The following CUL9 variants were observed in gnomAD, a reference collection of about 807,000 sequenced individuals.
The protein encoded by CUL9 is cullin 9, also known as cullin-9.
In CUL9, 79 loss-of-function variants were observed where a neutral mutation model predicts 272.6. That is an observed-to-expected ratio of 0.29 (90% CI 0.24 to 0.35). CUL9 has a LOEUF of 0.35. CUL9 is among the 10% of genes least tolerant of loss of function. CUL9 has a pLI of 1.00. For synonymous variants in CUL9, 1,186 were observed against 1,286.5 expected (o/e 0.92, Z 1.67); for missense variants, 2,532 against 3,255.6 (o/e 0.78, Z 5.41).
chr6:43,196,036 C>T (rs771593775), intron 9 of CUL9, 33 bp from the exon 10 acceptor site: 1 of 1,584,344 alleles, frequency 6.3e-7, no homozygotes, highest in Non-Finnish European at 8.6e-7. Flanking sequence ...GACTCTGCCC[C>T]CTCCTCACTC....
intron 11 of CUL9, among the ~76,000 whole-genome samples, chr6:43,197,102 A>G (rs1774065991): frequency 6.6e-6 from 1 of 151,920 alleles, no homozygotes; most frequent in African/African-American, 2.4e-5. Context: ...GCTAGAGTGC[A>G]GTGGCACGAT....
chr6:43,215,056 C>G (rs1414924981), intron 29 of CUL9, 23 bp from the exon 30 acceptor site: 2 of 1,572,040 alleles, frequency 1.3e-6, no homozygotes, highest in East Asian at 2.3e-5. Context: ...AAGTGGACTT[C>G]TTGTTTCTTT....
At chr6:43,214,001 ACTT>A (rs1252731673) in intron 29 of CUL9, 89 bp downstream of exon 29, 1 of 1,310,380 alleles carries the variant, frequency 7.6e-7, no homozygotes, top group Non-Finnish European at 1.1e-6. Flanking sequence ...TCAATATAAG[ACTT>A]CTGTAGGGTG....
chr6:43,206,117 A>G lies in CUL9; in HGVS notation c.4904A>G (p.Gln1635Arg), dbSNP rs1775026534. 6 of 1,614,094 alleles carry G rather than the reference A, an allele frequency of 3.7e-6. No individual in the cohort carries two copies. In the South Asian group the frequency reaches 5.5e-5, roughly 15 times the overall value. Residue 1635 changes from glutamine (Q) to arginine (R), a missense_variant, in exon 25 of 41, where the codon CAG (glutamine) becomes CGG (arginine). Physicochemically the swap from Gln to Arg is conservative, Grantham distance 43. Around this residue, in one of 3 missense-constraint regions of CUL9, gnomAD observed 2,218 missense variants for 2,788.6 expected, o/e 0.80. Transcript: ENST00000252050. This position sits in a 1 kb window ranked among gnomAD's most constrained non-coding sequence, Gnocchi z 4.8. ...FPNRLPQLML[Q>R]SLSTSEELQR... ...AACCGCCTCCCACAGCTGATGCTGC[A>G]GAGCCTGAGCACCTCTGAGGAGCTG...
intron 26 of CUL9, among the ~76,000 whole-genome samples, chr6:43,207,459 T>C (rs1732764717): frequency 6.6e-6 from 1 of 152,208 alleles, no homozygotes; most frequent in Non-Finnish European, 1.5e-5. Flanking sequence ...TTGTCAAGGG[T>C]ATCATTAGTT....
intron 8 of CUL9, among the ~76,000 whole-genome samples, chr6:43,191,481 A>ATTTTTTTT (rs34090146): frequency 0.027 from 2,633 of 97,150 alleles, 193 homozygotes; most frequent in African/African-American, 0.13. Flanking sequence ...CACCCAGCTA[A>ATTTTTTTT]TTTTTTTTTT....
At chr6:43,192,955 C>A in intron 8 of CUL9, 46 bp from the exon 9 acceptor site, 2 of 1,578,774 alleles carry the variant, frequency 1.3e-6, no homozygotes, top group Non-Finnish European at 1.7e-6. Flanking sequence ...GGAGGTCAGG[C>A]AAGACTCCTT....
At position 43,184,949 on chromosome 6, in the gene CUL9, G is replaced by A. The variant is rs1772774281; in HGVS notation, c.595+44G>A. On this transcript the variant is annotated intron_variant, in intron 2 of 40. Transcript: ENST00000252050. The surrounding 1 kb of genome is among the most constrained non-coding windows in gnomAD (Gnocchi z 4.8). ...AGAAGGAAAGGAATGGAGAAAATGG[G>A]GCCACAGGGAATAAGAAAGAGGAGA... The A allele has an allele frequency of 4.0e-5, 57 of 1,425,480 alleles. No homozygotes were observed. Among genetic ancestry groups the A allele is most frequent in the Non-Finnish European group, 5.3e-5 (56 of 1,046,982 alleles). 88.3% of individuals were successfully genotyped at this position (1,425,480 alleles called of 1,614,324 possible). A position where few individuals can be genotyped will look rare whatever the true frequency, so the allele number is the denominator to read the frequency against.
Position 43,198,209 on chromosome 6 carries a change from C to T in CUL9, c.2804-400C>T. 3.1e-6 allele frequency: 3 copies of T among 976,640 alleles called. No individual in the cohort carries two copies. In the South Asian group the frequency reaches 1.4e-4, roughly 46 times the overall value. 60.5% of individuals were successfully genotyped at this position (976,640 alleles called of 1,614,324 possible). On this transcript the variant is annotated intron_variant, in intron 11 of 40. Transcript: ENST00000252050. ...TGAGCCAAGATCATGCCACTGCACTCCAGCCTGGGTGACAGCGCTCTGTGT... is the reference window on the plus strand; with the variant it reads ...TGAGCCAAGATCATGCCACTGCACTTCAGCCTGGGTGACAGCGCTCTGTGT...
rs541437310 is a variant in CUL9, at chr6:43,199,885, A to C, written c.3157-44A>C. 3.4e-6 allele frequency: 5 copies of C among 1,485,228 alleles called. No homozygotes were observed. In the African/African-American group the frequency reaches 6.9e-5, roughly 20 times the overall value. 92.0% of individuals were successfully genotyped at this position (1,485,228 alleles called of 1,614,324 possible). A position where few individuals can be genotyped will look rare whatever the true frequency, so the allele number is the denominator to read the frequency against. On this transcript the variant is annotated intron_variant, in intron 13 of 40. Transcript: ENST00000252050. This position sits in a 1 kb window ranked among gnomAD's most constrained non-coding sequence, Gnocchi z 4.4. ...CCTCTCCTCAATCCTTACATGTCCT[A>C]CCTCTTGTTTCCTGTAAATTAATCT...
In CUL9 at chr6:43,220,583, C is replaced by T; in HGVS notation, c.6407C>T (p.Pro2136Leu). ...GAFIRAIVSS[P>L]EVISKYEKAL... ...TTCATTCGTGCCATCGTCTCCTCGC[C>T]AGAGGTCATCTCCAAGGTATCCCCT... Residue 2136 changes from proline (P) to leucine (L), a missense_variant, in exon 32 of 41, where the codon CCA (proline) becomes CTA (leucine). Physicochemically the swap from Pro to Leu is moderately conservative, Grantham distance 98. Transcript: ENST00000252050. This position sits in a 1 kb window ranked among gnomAD's most constrained non-coding sequence, Gnocchi z 4.9. 6.2e-7 allele frequency: 1 copy of T among 1,614,130 alleles called. No homozygotes were observed. Among genetic ancestry groups the T allele is most frequent in the East Asian group, 2.2e-5 (1 of 44,878 alleles).
chr6:43,221,516 G>A lies in CUL9; in HGVS notation c.6753-169G>A. The A allele has an allele frequency of 2.3e-6, 2 of 874,764 alleles. No individual in the cohort carries two copies. The highest frequency in any genetic ancestry group is 2.6e-5 in the Admixed American group (1 of 38,222). 54.2% of individuals were successfully genotyped at this position (874,764 alleles called of 1,614,324 possible). On this transcript the variant is annotated intron_variant, in intron 34 of 40. Transcript: ENST00000252050. This position sits in a 1 kb window ranked among gnomAD's most constrained non-coding sequence, Gnocchi z 4.2. ...CCCACTCGTAAGTCCACACTGACTG[G>A]GGGAGTTCAAAAGCAGAGGTGCATT...
At chr6:43,185,821 C>G (rs1163471311) in intron 3 of CUL9, 134 bp from the exon 4 acceptor site, 1 of 1,296,968 alleles carries the variant, frequency 7.7e-7, no homozygotes, top group Non-Finnish European at 1.0e-6. Context: ...GCCTTTCTTA[C>G]ACAAATCAAA....
In CUL9 at chr6:43,184,879, T is replaced by G; in HGVS notation, c.569T>G (p.Leu190Arg). 1 of 1,597,862 alleles carries G rather than the reference T, an allele frequency of 6.3e-7. No individual in the cohort carries two copies. The highest frequency in any genetic ancestry group is 8.5e-7 in the Non-Finnish European group (1 of 1,175,370). ...ATCCGCCGGAGTGCAGGCAAAATGC[T>G]GCAGGCTCTGGCAGCCCACGATGCT... is the stretch of plus-strand genomic sequence containing the variant. ...PQIRRSAGKM[L>R]QALAAHDAGS... The change falls in exon 2 of 41, where the codon CTG becomes CGG. Residue 190 changes from leucine (L) to arginine (R), a missense_variant. This residue lies in a region of CUL9 where 2,218 missense variants were observed against 2,788.6 expected (regional missense o/e 0.80). Coordinates refer to ENST00000252050, the MANE Select transcript of CUL9 (RefSeq NM_015089.4). This position sits in a 1 kb window ranked among gnomAD's most constrained non-coding sequence, Gnocchi z 4.8.
In CUL9 at chr6:43,205,309, G is replaced by T; in HGVS notation, c.4679G>T (p.Gly1560Val). 1 of 1,614,198 alleles carries T rather than the reference G, an allele frequency of 6.2e-7. No individual in the cohort carries two copies. The highest frequency in any genetic ancestry group is 8.5e-7 in the Non-Finnish European group (1 of 1,180,042). The change falls in exon 24 of 41, where the codon GGC (glycine) becomes GTC (valine). Residue 1560 changes from glycine (G) to valine (V), a missense_variant. By Grantham distance (109) the Gly-to-Val change is moderately radical (BLOSUM62 -3). Around this residue, in one of 3 missense-constraint regions of CUL9, gnomAD observed 2,218 missense variants for 2,788.6 expected, o/e 0.80. Coordinates refer to ENST00000252050, the MANE Select transcript of CUL9 (RefSeq NM_015089.4). ...ARYIDQQIQGGLIGGAPGVEM... is the reference protein window; with the variant it reads ...ARYIDQQIQGVLIGGAPGVEM... The stretch of plus-strand genomic sequence containing the variant: ...TACATTGACCAACAGATCCAGGGTG[G>T]CCTGATTGGTGGAGCCCCTGGAGTG...
At chr6:43,189,468 G>A (rs1773240103) in intron 8 of CUL9, among the ~76,000 whole-genome samples, 1 of 152,148 alleles carries the variant, frequency 6.6e-6, no homozygotes, top group Non-Finnish European at 1.5e-5. Context: ...GCAGGCGTGA[G>A]CCACCGCGTC....
In CUL9 at chr6:43,206,129, C is replaced by T. The variant is rs772062849; in HGVS notation, c.4916C>T (p.Thr1639Ile). 1.5e-5 allele frequency: 24 copies of T among 1,614,030 alleles called. No individual in the cohort carries two copies. Among genetic ancestry groups the T allele is most frequent in the Admixed American group, 1.0e-4 (6 of 60,008 alleles). Residue 1639 changes from threonine to isoleucine, a missense_variant, in exon 25 of 41, where the codon ACC becomes ATC. Thr to Ile is a moderately conservative substitution (Grantham distance 89). Coordinates refer to ENST00000252050, the MANE Select transcript of CUL9 (RefSeq NM_015089.4). The surrounding 1 kb of genome is among the most constrained non-coding windows in gnomAD (Gnocchi z 4.8). The part of the protein sequence containing the change: ...LPQLMLQSLS[T>I]SEELQRQFHL... ...CAGCTGATGCTGCAGAGCCTGAGCA[C>T]CTCTGAGGAGCTGCAGCGCCAGTTC...
At chr6:43,222,942 C>A in intron 38 of CUL9, 46 bp downstream of exon 38, 1 of 1,523,704 alleles carries the variant, frequency 6.6e-7, no homozygotes, top group South Asian at 1.1e-5. Flanking sequence ...CTCCTCCCCT[C>A]TGTTGCACAG....
chr6:43,192,903 G>T, intron 8 of CUL9, 98 bp from the exon 9 acceptor site: 1 of 1,021,790 alleles, frequency 9.8e-7, no homozygotes, highest in Non-Finnish European at 1.5e-6. Flanking sequence ...ACTAGATCTT[G>T]GTGGATGGGA....
Sources: allele counts gnomAD v4.1 joint callset (sites outside exome capture counted in the v4.1 genomes callset), GRCh38; gene constraint gnomAD v4.1.1; regional missense constraint gnomAD v4.1.1; non-coding constraint Gnocchi (gnomAD v3.1); transcripts MANE v1.5; gene names NCBI Gene and HGNC (gene_info 2026-07-23, HGNC 2026-07-21).